The following CHD1L variants were observed in gnomAD, a reference collection of about 807,000 sequenced individuals.
The protein encoded by CHD1L is ATP-dependent chromatin remodeler CHD1L.
A neutral mutation model predicts 115.9 loss-of-function variants in CHD1L; 118 were observed. The ratio of observed to expected loss-of-function variants is 1.02; its 90% CI spans 0.88 to 1.19. CHD1L has a LOEUF of 1.19. Ranked by LOEUF, CHD1L falls within the 50% of genes most tolerant of loss-of-function variation. CHD1L has a pLI of 0.00. For missense variants in CHD1L, 1,179 were observed against 1,065.3 expected (o/e 1.11, Z -1.49); for synonymous variants, 411 against 387.1 (o/e 1.06, Z -0.72).
At chr1:147,244,250 A>G (rs12059161) in intron 1 of CHD1L, among the ~76,000 whole-genome samples, 1,746 of 152,308 alleles carry the variant, frequency 0.011, 29 homozygotes, top group African/African-American at 0.039. Context: ...TTTTAGTGAA[A>G]ATGAGGAGAC....
chr1:147,270,529 T>TG (rs1314147105), intron 10 of CHD1L, among the ~76,000 whole-genome samples: 22 of 151,636 alleles, frequency 1.5e-4, no homozygotes, highest in East Asian at 3.9e-4. Context: ...TTCTTTTTTT[T>TG]TGTGTGTGTA....
Position 147,266,157 on chromosome 1 carries a change from A to T in CHD1L, c.895+70A>T, listed in dbSNP as rs990574057. 3.3e-5 allele frequency: 46 copies of T among 1,392,398 alleles called. No homozygotes were observed. The African/African-American group carries it at 4.5e-4, about 14-fold the overall frequency. 86.3% of individuals were successfully genotyped at this position (1,392,398 alleles called of 1,614,324 possible). A position where few individuals can be genotyped will look rare whatever the true frequency, so the allele number is the denominator to read the frequency against. Reference sequence around the variant, plus strand: ...GATTTCAGGTAGTAAAATATTTTATAATCACACTCATTTGTATGATCCCAA... The same window carrying T: ...GATTTCAGGTAGTAAAATATTTTATTATCACACTCATTTGTATGATCCCAA... On this transcript the variant is annotated intron_variant, in intron 8 of 22. Coordinates refer to ENST00000369258, the MANE Select transcript of CHD1L (RefSeq NM_004284.6).
At chr1:147,204,632 T>A in the CHD1L span, 1 of 1,589,622 alleles carries the variant, frequency 6.3e-7, no homozygotes, top group Non-Finnish European at 8.6e-7. Context: ...ACAATGTTTG[T>A]GCCATCTCCA....
chr1:147,187,022 G>T, the CHD1L span: 2 of 1,613,860 alleles, frequency 1.2e-6, no homozygotes, highest in East Asian at 4.5e-5. Flanking sequence ...TTCCTGATGC[G>T]ATCATCTGTG....
rs142651161 is a variant in CHD1L, at chr1:147,290,329, C to T, written c.2321-1153C>T. Among the ~76,000 whole-genome samples, 897 of 152,228 alleles carry T rather than the reference C, an allele frequency of 5.9e-3. 4 individuals are homozygous for T. Among genetic ancestry groups the T allele is most frequent in the Non-Finnish European group, 9.3e-3 (634 of 68,008 alleles). On this transcript the variant is annotated intron_variant, in intron 19 of 22. Transcript: ENST00000369258. ...CAAACTCCTGAGCTCAAGTGGTCCA[C>T]CTCCCTCAGCTTCTCCAAGTGCAAG...
the CHD1L span, among the ~76,000 whole-genome samples, chr1:147,190,644 C>A: frequency 6.6e-6 from 1 of 151,906 alleles, no homozygotes; most frequent in African/African-American, 2.4e-5. Context: ...AACAAAGGGA[C>A]CTTATATCAA....
At chr1:147,244,334 G>T (rs1158018587) in intron 1 of CHD1L, among the ~76,000 whole-genome samples, 1 of 152,178 alleles carries the variant, frequency 6.6e-6, no homozygotes, top group Admixed American at 6.5e-5. Context: ...TGGCAACTTG[G>T]ATAAATTGGT....
chr1:147,225,172 G>A, the CHD1L span: 3 of 1,505,766 alleles, frequency 2.0e-6, no homozygotes, highest in Admixed American at 2.1e-5. Flanking sequence ...GGTGTCTTGA[G>A]GAGGACAGAT....
the CHD1L span, chr1:147,190,219 A>G: frequency 1.9e-6 from 3 of 1,611,944 alleles, no homozygotes. Context: ...TTCTGCCATC[A>G]TTTCACTCTG....
chr1:147,208,916 ATTTG>A, the CHD1L span: 1 of 1,614,056 alleles, frequency 6.2e-7, no homozygotes, highest in African/African-American at 1.3e-5. Flanking sequence ...TTTTCCAAAT[ATTTG>A]TTTGCTAATG....
At position 147,284,540 on chromosome 1, in the gene CHD1L, T is replaced by A. The variant is rs782194888; in HGVS notation, c.1854+41T>A. 13 of 1,458,154 alleles carry A rather than the reference T, an allele frequency of 8.9e-6. No individual in the cohort carries two copies. The East Asian group carries it at 2.5e-4, about 28-fold the overall frequency. 90.3% of individuals were successfully genotyped at this position (1,458,154 alleles called of 1,614,324 possible). A position where few individuals can be genotyped will look rare whatever the true frequency, so the allele number is the denominator to read the frequency against. ...TTATTTAAAAGTTGTTCTTCCAAAC[T>A]CTCATTCTAAAACAAACAAAAAAAT... is the stretch of plus-strand genomic sequence containing the variant. On this transcript the variant is annotated intron_variant, in intron 16 of 22. Transcript: ENST00000369258.
chr1:147,231,782 G>A, the CHD1L span, among the ~76,000 whole-genome samples: 1 of 152,116 alleles, frequency 6.6e-6, no homozygotes, highest in African/African-American at 2.4e-5. Context: ...CATTGGAAAA[G>A]CGCAGTATTA....
At chr1:147,209,055 G>A in the CHD1L span, 1 of 1,611,258 alleles carries the variant, frequency 6.2e-7, no homozygotes, top group Non-Finnish European at 8.5e-7. Flanking sequence ...GGAAAACCTG[G>A]GGCATGGAAG....
the CHD1L span, among the ~76,000 whole-genome samples, chr1:147,213,869 G>C: frequency 6.6e-6 from 1 of 152,106 alleles, no homozygotes; most frequent in African/African-American, 2.4e-5. Context: ...TCTTACCCTA[G>C]GTTCTCTTCT....
At chr1:147,287,523 T>C in intron 18 of CHD1L, 112 bp from the exon 19 acceptor site, 1 of 696,590 alleles carries the variant, frequency 1.4e-6, no homozygotes, top group South Asian at 2.0e-5. Context: ...ATTTTGTTTC[T>C]TCCCTTTGAA....
At chr1:147,178,293 C>G in the CHD1L span, 1 of 1,613,034 alleles carries the variant, frequency 6.2e-7, no homozygotes, top group Non-Finnish European at 8.5e-7. Context: ...GTGGACACTG[C>G]AAGAGACTTG....
chr1:147,281,617 C>CT (rs760356015), intron 15 of CHD1L, among the ~76,000 whole-genome samples: 1 of 152,060 alleles, frequency 6.6e-6, no homozygotes, highest in Non-Finnish European at 1.5e-5. Context: ...TTCAAGAACT[C>CT]TTTCTTGTTC....
the CHD1L span, among the ~76,000 whole-genome samples, chr1:147,185,504 T>C: frequency 6.6e-6 from 1 of 152,154 alleles, no homozygotes; most frequent in African/African-American, 2.4e-5. Context: ...CTCAGTTCTC[T>C]AACTCTCAAA....
the CHD1L span, among the ~76,000 whole-genome samples, chr1:147,228,088 C>G: frequency 6.6e-6 from 1 of 151,730 alleles, no homozygotes; most frequent in East Asian, 1.9e-4. Context: ...ATACATGTGC[C>G]ATGTTGGTGT....
Sources: allele counts gnomAD v4.1 joint callset (sites outside exome capture counted in the v4.1 genomes callset), GRCh38; gene constraint gnomAD v4.1.1; transcripts MANE v1.5; gene names NCBI Gene and HGNC (gene_info 2026-07-23, HGNC 2026-07-21).